Variants in ECRG4 observed in about 807,000 individuals in gnomAD.
The protein encoded by ECRG4 is ECRG4 augurin precursor, also known as augurin.
Under a neutral mutation model 15.8 loss-of-function variants are expected in ECRG4, and 18 were observed. The observed-to-expected ratio is 1.14, with a 90% CI of 0.79 to 1.69. The LOEUF is 1.69. ECRG4 is among the 40% of genes most tolerant of loss of function. ECRG4 has a pLI of 0.00. For synonymous variants in ECRG4, 82 were observed against 73.9 expected, an observed-to-expected ratio of 1.11 and a Z score of -0.56; for missense variants, 200 against 190.9, an observed-to-expected ratio of 1.05 and a Z score of -0.28.
chr2:106,065,304 A>G (rs1489817182), upstream of ECRG4, among the ~76,000 whole-genome samples: 3 of 149,662 alleles, frequency 2.0e-5, no homozygotes, highest in Admixed American at 2.0e-4. Flanking sequence ...GGGCGGAGGA[A>G]GTGGGGGAGC....
chr2:106,069,686 T>C lies in ECRG4; in HGVS notation c.80-2158T>C, dbSNP rs541750944. Reference sequence around the variant, plus strand: ...ACACCTAAATTCCTTTAATTTCTTCTCATATAACACATGTTTGGGCGCTAG... The same window carrying C: ...ACACCTAAATTCCTTTAATTTCTTCCCATATAACACATGTTTGGGCGCTAG... On this transcript the variant is annotated intron_variant, in intron 1 of 3. Transcript: ENST00000238044. 1.3e-4 allele frequency among the ~76,000 whole-genome samples: 20 copies of C among 152,240 alleles called. No individual in the cohort carries two copies. In the South Asian group the frequency reaches 3.7e-3, roughly 28 times the overall value.
upstream of ECRG4, among the ~76,000 whole-genome samples, chr2:106,063,575 T>G (rs558925886): frequency 6.6e-6 from 1 of 152,096 alleles, no homozygotes; most frequent in Non-Finnish European, 1.5e-5. Flanking sequence ...CATATCCCGA[T>G]TAAGTGAAGA....
chr2:106,071,764 C>T (rs1676377527), intron 1 of ECRG4, 80 bp from the exon 2 acceptor site: 4 of 1,218,724 alleles, frequency 3.3e-6, no homozygotes, highest in Non-Finnish European at 4.8e-6. Context: ...CAGTTCTTTT[C>T]TCCCACTCTG....
At position 106,074,040 on chromosome 2, in the gene ECRG4, A is replaced by G. The variant is rs751149499; in HGVS notation, c.282A>G (p.Glu94=). 5 of 1,612,192 alleles carry G rather than the reference A, an allele frequency of 3.1e-6. No homozygotes were observed. Among genetic ancestry groups the G allele is most frequent in the East Asian group, 2.2e-5 (1 of 44,870 alleles). The change falls in exon 3 of 4, where the codon GAA becomes GAG. Residue 94 remains glutamate, a synonymous_variant. Coordinates refer to ENST00000238044, the MANE Select transcript of ECRG4 (RefSeq NM_032411.3). ...YQQFLYMGFD[E]AKFEDDITYW... is the part of the protein sequence containing the mutation. The stretch of plus-strand genomic sequence containing the variant: ...AGTTTCTCTACATGGGCTTTGACGA[A>G]GCGGTAGGTGTTGCCTCCGGCTGCA...
At chr2:106,069,895 C>A (rs1676325422) in intron 1 of ECRG4, among the ~76,000 whole-genome samples, 1 of 152,082 alleles carries the variant, frequency 6.6e-6, no homozygotes, top group South Asian at 2.1e-4. Context: ...ATTGCAATTG[C>A]TTTTTAAACA....
At chr2:106,063,876 TC>T (rs1450222164), upstream of ECRG4, among the ~76,000 whole-genome samples, 5 of 152,146 alleles carry the variant, frequency 3.3e-5, no homozygotes, top group African/African-American at 1.2e-4. Flanking sequence ...GCCACCATGA[TC>T]CCCCTTAAGT....
At chr2:106,076,202 C>T (rs1257140835) in intron 3 of ECRG4, among the ~76,000 whole-genome samples, 1 of 152,066 alleles carries the variant, frequency 6.6e-6, no homozygotes, top group Non-Finnish European at 1.5e-5. Flanking sequence ...GCTATAATCC[C>T]AGCTACTCGG....
rs1676525629 is a variant in ECRG4, at chr2:106,078,147, A to G, written c.*221A>G. The G allele has an allele frequency of 2.2e-6, 1 of 449,726 alleles. No homozygotes were observed. The highest frequency in any genetic ancestry group is 4.5e-5 in the South Asian group (1 of 22,012). The allele number at this position is 449,726 out of a possible 1,614,324, so 27.9% of individuals were successfully genotyped here. On this transcript the variant is annotated 3_prime_UTR_variant, in exon 4 of 4. Coordinates refer to ENST00000238044, the MANE Select transcript of ECRG4 (RefSeq NM_032411.3). The stretch of plus-strand genomic sequence containing the variant: ...AAAATAGAAATAAAGCATTTTGTTA[A>G]AAAGAAAAGTCTTAGAATTCATTTG...
Position 106,073,898 on chromosome 2 carries a change from C to T in ECRG4, c.140C>T (p.Thr47Ile), listed in dbSNP as rs767508460. ...TTGATGATTTCAGCACCTGTTCCAA[C>T]TAAGACTAAAGTGGCCGTTGATGAG... ...MLQKREAPVP[T>I]KTKVAVDENK... Residue 47 changes from threonine (T) to isoleucine (I), a missense_variant, in exon 3 of 4, where the codon ACT (threonine) becomes ATT (isoleucine). By Grantham distance (89) the Thr-to-Ile change is moderately conservative. Transcript: ENST00000238044. 5.6e-6 allele frequency: 9 copies of T among 1,614,084 alleles called. No individual in the cohort carries two copies. The highest frequency in any genetic ancestry group is 1.6e-4 in the Middle Eastern group (1 of 6,084).
chr2:106,070,252 C>T (rs959810557), intron 1 of ECRG4, among the ~76,000 whole-genome samples: 3 of 152,174 alleles, frequency 2.0e-5, no homozygotes, highest in African/African-American at 7.2e-5. Context: ...AAAGTGTGGC[C>T]ACCCTACCCG....
At chr2:106,077,173 GAC>G (rs1676505291) in intron 3 of ECRG4, among the ~76,000 whole-genome samples, 1 of 152,332 alleles carries the variant, frequency 6.6e-6, no homozygotes. Context: ...CACAGGGCAT[GAC>G]ACACAGTGCC....
chr2:106,069,121 CTTCCTTTCTCTT>C (rs1415301190), intron 1 of ECRG4, among the ~76,000 whole-genome samples: 3 of 75,012 alleles, frequency 4.0e-5, no homozygotes, highest in Admixed American at 1.5e-4. Flanking sequence ...CTTTTTCTTT[CTTCCTTTCTCTT>C]TCTTTCTTTC....
chr2:106,078,036 C>T lies in ECRG4; in HGVS notation c.*110C>T. ...TTTGCTCTATTTCAGCAGATCTTTT[C>T]TACCTACTTTGTGTGATCAAAAAAG... On this transcript the variant is annotated 3_prime_UTR_variant, in exon 4 of 4. Transcript: ENST00000238044. The T allele has an allele frequency of 9.6e-7, 1 of 1,044,198 alleles. No homozygotes were observed. The highest frequency in any genetic ancestry group is 1.3e-6 in the Non-Finnish European group (1 of 754,650). 64.7% of individuals were successfully genotyped at this position (1,044,198 alleles called of 1,614,324 possible).
At chr2:106,077,171 A>G (rs1318412284) in intron 3 of ECRG4, among the ~76,000 whole-genome samples, 1 of 152,242 alleles carries the variant, frequency 6.6e-6, no homozygotes, top group Non-Finnish European at 1.5e-5. Flanking sequence ...AGCACAGGGC[A>G]TGACACACAG....
At position 106,065,779 on chromosome 2, in the gene ECRG4, C is replaced by T. The variant is rs4266035; in HGVS notation, c.15C>T (p.Pro5=). Residue 5 remains proline (P), a synonymous_variant, in exon 1 of 4, where the codon CCC becomes CCT. Transcript: ENST00000238044. The part of the protein sequence containing the change: MAAS[P]ARPAVLALTG... ...GCCCCGCCGCCATGGCTGCCTCCCC[C>T]GCGCGGCCTGCTGTCCTGGCCCTGA... 2 of 1,482,474 alleles carry T rather than the reference C, an allele frequency of 1.3e-6. No homozygotes were observed. The highest frequency in any genetic ancestry group is 2.9e-5 in the African/African-American group (2 of 68,228). The allele number at this position is 1,482,474 out of a possible 1,614,324, so 91.8% of individuals were successfully genotyped here.
At chr2:106,064,592 C>A (rs190769295), upstream of ECRG4, among the ~76,000 whole-genome samples, 2 of 152,206 alleles carry the variant, frequency 1.3e-5, no homozygotes, top group Non-Finnish European at 2.9e-5. Flanking sequence ...GCAGGAGAAT[C>A]GCTTGAACCC....
intron 1 of ECRG4, among the ~76,000 whole-genome samples, chr2:106,067,060 G>GGC (rs1491224066): frequency 2.1e-5 from 1 of 48,230 alleles, no homozygotes; most frequent in East Asian, 9.1e-4. Flanking sequence ...TTGGGAGGCC[G>GGC]GGGGGGGGGG....
At chr2:106,070,224 C>A (rs1212628478) in intron 1 of ECRG4, among the ~76,000 whole-genome samples, 3 of 152,206 alleles carry the variant, frequency 2.0e-5, no homozygotes, top group African/African-American at 7.2e-5. Flanking sequence ...TATACCAGGG[C>A]TGTTCCTGGA....
upstream of ECRG4, among the ~76,000 whole-genome samples, chr2:106,064,086 TA>T (rs201998453): frequency 0.011 from 1,652 of 152,316 alleles, 39 homozygotes; most frequent in African/African-American, 0.038. Flanking sequence ...CAAAAGTAAA[TA>T]TATGCCTGGT....
Sources: allele counts gnomAD v4.1 joint callset (sites outside exome capture counted in the v4.1 genomes callset), GRCh38; gene constraint gnomAD v4.1.1; transcripts MANE v1.5; gene names NCBI Gene and HGNC (gene_info 2026-07-23, HGNC 2026-07-21).